The following GNAL variants were observed in gnomAD, a reference collection of about 807,000 sequenced individuals.
The protein encoded by GNAL is G protein subunit alpha L.
Under a neutral mutation model 55.1 loss-of-function variants are expected in GNAL, and 18 were observed. The ratio of observed to expected loss-of-function variants is 0.33; its 90% CI spans 0.23 to 0.48. The LOEUF (loss-of-function observed/expected upper bound fraction) is 0.48, where lower values mean the gene tolerates loss of function less well. Among genes scored for constraint, GNAL ranks in the 20% least tolerant of loss-of-function variants. GNAL has a pLI of 0.99. For synonymous variants in GNAL, 253 were observed against 237.0 expected (o/e 1.07, Z -0.62); for missense variants, 412 against 614.1 (o/e 0.67, Z 3.48).
intron 5 of GNAL, among the ~76,000 whole-genome samples, chr18:11,826,085 T>C (rs2035236322): frequency 6.6e-6 from 1 of 152,130 alleles, no homozygotes; most frequent in Admixed American, 6.6e-5. Flanking sequence ...TGGAGCTGCA[T>C]TGTGAATGTT....
intron 4 of GNAL, among the ~76,000 whole-genome samples, chr18:11,802,901 G>A (rs946404122): frequency 2.6e-5 from 4 of 152,140 alleles, no homozygotes; most frequent in Non-Finnish European, 5.9e-5. Flanking sequence ...TCTCGAGTTC[G>A]AGAGGTACCC....
intron 4 of GNAL, among the ~76,000 whole-genome samples, chr18:11,762,384 A>G (rs928642403): frequency 6.6e-6 from 1 of 152,214 alleles, no homozygotes; most frequent in African/African-American, 2.4e-5. Context: ...TTCAGTACAC[A>G]TATTATCCAT....
chr18:11,869,758 C>G (rs1042715428), intron 9 of GNAL, among the ~76,000 whole-genome samples: 5 of 151,812 alleles, frequency 3.3e-5, no homozygotes, highest in African/African-American at 4.8e-5. Context: ...ACAAAAAATA[C>G]AAAAATTAGG....
At chr18:11,823,747 C>T (rs955483219) in intron 4 of GNAL, among the ~76,000 whole-genome samples, 1 of 152,150 alleles carries the variant, frequency 6.6e-6, no homozygotes, top group Non-Finnish European at 1.5e-5. Context: ...GGCCATGGAG[C>T]CTGAGAACCC....
At chr18:11,796,029 C>T (rs2034369167) in intron 4 of GNAL, among the ~76,000 whole-genome samples, 1 of 152,170 alleles carries the variant, frequency 6.6e-6, no homozygotes, top group South Asian at 2.1e-4. Context: ...GGTCAGCTAA[C>T]GGACACCAAG....
intron 4 of GNAL, among the ~76,000 whole-genome samples, chr18:11,759,837 C>G (rs1436982112): frequency 6.6e-6 from 1 of 152,216 alleles, no homozygotes; most frequent in African/African-American, 2.4e-5. Flanking sequence ...TGTGTTCCCT[C>G]TCCAAGCCTG....
At chr18:11,760,010 G>A (rs2033189079) in intron 4 of GNAL, among the ~76,000 whole-genome samples, 1 of 151,952 alleles carries the variant, frequency 6.6e-6, no homozygotes, top group South Asian at 2.1e-4. Flanking sequence ...TTCCTGCCCA[G>A]TACCTCATCA....
chr18:11,781,915 A>G (rs1178699525), intron 4 of GNAL, among the ~76,000 whole-genome samples: 1 of 152,218 alleles, frequency 6.6e-6, no homozygotes, highest in Non-Finnish European at 1.5e-5. Flanking sequence ...GTTCAAGAAT[A>G]TTCATAGTGG....
chr18:11,762,423 A>C (rs1432666814), intron 4 of GNAL, among the ~76,000 whole-genome samples: 1 of 152,242 alleles, frequency 6.6e-6, no homozygotes, highest in Non-Finnish European at 1.5e-5. Context: ...AATAAGGAAC[A>C]GCACTTTTCT....
intron 9 of GNAL, among the ~76,000 whole-genome samples, chr18:11,869,248 A>G (rs1341939102): frequency 6.6e-6 from 1 of 151,658 alleles, no homozygotes; most frequent in African/African-American, 2.4e-5. Flanking sequence ...GGTTCATGCC[A>G]TTCTCCTTCC....
intron 4 of GNAL, among the ~76,000 whole-genome samples, chr18:11,821,681 C>G (rs1014453329): frequency 1.3e-5 from 2 of 152,218 alleles, no homozygotes; most frequent in Non-Finnish European, 2.9e-5. Flanking sequence ...GGATCCCAGC[C>G]CCGCTGGGCA....
chr18:11,823,918 C>T (rs2035170830), intron 4 of GNAL, among the ~76,000 whole-genome samples: 2 of 152,126 alleles, frequency 1.3e-5, no homozygotes, highest in Non-Finnish European at 2.9e-5. Flanking sequence ...ACTCATAAGC[C>T]GTTCATTTAC....
At chr18:11,843,957 G>A (rs1004305003) in intron 5 of GNAL, among the ~76,000 whole-genome samples, 3 of 151,890 alleles carry the variant, frequency 2.0e-5, no homozygotes, top group African/African-American at 7.3e-5. Flanking sequence ...TGGGCAACGG[G>A]AGTGAAACTC....
chr18:11,799,869 C>G (rs2034478346), intron 4 of GNAL, among the ~76,000 whole-genome samples: 1 of 152,088 alleles, frequency 6.6e-6, no homozygotes, highest in African/African-American at 2.4e-5. Context: ...ACCTGTCTGT[C>G]TGGTGCTCCC....
rs956895925 is a variant in GNAL, at chr18:11,689,626, G to C, written c.63G>C (p.Ala21=). The C allele has an allele frequency of 4.4e-6, 6 of 1,360,536 alleles. No individual in the cohort carries two copies. The highest frequency in any genetic ancestry group is 5.6e-6 in the Non-Finnish European group (6 of 1,067,222). 84.3% of individuals were successfully genotyped at this position (1,360,536 alleles called of 1,614,324 possible). The change falls in exon 1 of 12, where the codon GCG becomes GCC. Residue 21 remains alanine, a synonymous_variant. Coordinates refer to ENST00000334049, the MANE Select transcript of GNAL (RefSeq NM_182978.4). The part of the protein sequence containing the change: ...LFGGPGDDPC[A]ASEPPVEDAQ... Reference sequence around the variant, plus strand: ...GGGGCCCAGGGGACGACCCCTGCGCGGCCTCGGAGCCGCCGGTGGAGGACG... The same window carrying C: ...GGGGCCCAGGGGACGACCCCTGCGCCGCCTCGGAGCCGCCGGTGGAGGACG...
chr18:11,806,578 C>T lies in GNAL; in HGVS notation c.625-18340C>T, dbSNP rs189958115. Among the ~76,000 whole-genome samples, 362 of 152,114 alleles carry T rather than the reference C, an allele frequency of 2.4e-3. 5 individuals carry two copies. Among genetic ancestry groups the T allele is most frequent in the Non-Finnish European group, 7.8e-4 (53 of 68,014 alleles). On this transcript the variant is annotated intron_variant, in intron 4 of 11. Coordinates refer to ENST00000334049, the MANE Select transcript of GNAL (RefSeq NM_182978.4). ...AGTGAGTATTAGAGGAAAAAGAATTCGAAGGAAGAAAGAAACTGTGTGCCC... is the reference window on the plus strand; with the variant it reads ...AGTGAGTATTAGAGGAAAAAGAATTTGAAGGAAGAAAGAAACTGTGTGCCC...
intron 5 of GNAL, among the ~76,000 whole-genome samples, chr18:11,846,548 GTC>G (rs1304299926): frequency 6.6e-6 from 1 of 150,916 alleles, no homozygotes; most frequent in Non-Finnish European, 1.5e-5. Context: ...GCTCATTGTA[GTC>G]TCGAACTCCT....
chr18:11,693,912 G>A (rs910945549), intron 1 of GNAL, among the ~76,000 whole-genome samples: 1 of 147,322 alleles, frequency 6.8e-6, no homozygotes, highest in Non-Finnish European at 1.5e-5. Flanking sequence ...GAGTGCAGTG[G>A]TGTGATCATG....
rs143307875 is a variant in GNAL at position 11,801,637 on chromosome 18, C to T, written c.625-23281C>T. Among the ~76,000 whole-genome samples the T allele has an allele frequency of 9.8e-4, 149 of 152,270 alleles. 3 individuals carry two copies. The East Asian group carries it at 0.022, about 23-fold the overall frequency. On this transcript the variant is annotated intron_variant, in intron 4 of 11. Transcript: ENST00000334049. The stretch of plus-strand genomic sequence containing the variant: ...ATAGAGAGGCAAGGAGACCAGGCTG[C>T]TGCTATAATCTGGGTGAGAGGTGCG...
Sources: gnomAD v4.1 joint callset for allele counts (sites outside exome capture counted in the v4.1 genomes callset) on GRCh38, gnomAD v4.1.1 for gene constraint, MANE v1.5 for transcripts, NCBI Gene and HGNC (gene_info 2026-07-23, HGNC 2026-07-21) for gene names.